Variants in GPSM1 observed in about 807,000 individuals in gnomAD.
The protein encoded by GPSM1 is G protein-signaling modulator 1.
Under a neutral mutation model 70.5 loss-of-function variants are expected in GPSM1, and 48 were observed. The ratio of observed to expected loss-of-function variants is 0.68; its 90% CI spans 0.54 to 0.87. GPSM1 has a LOEUF of 0.87. GPSM1 is among the 40% of genes least tolerant of loss of function. The pLI, the probability that GPSM1 is intolerant of heterozygous loss-of-function variation, is 0.00. For synonymous variants in GPSM1, 416 were observed against 430.1 expected (o/e 0.97, Z 0.41); for missense variants, 981 against 972.6 (o/e 1.01, Z -0.11).
chr9:136,334,008 T>C (rs1427264339), intron 1 of GPSM1, among the ~76,000 whole-genome samples: 2 of 151,892 alleles, frequency 1.3e-5, no homozygotes, highest in African/African-American at 4.8e-5. Context: ...CAGTTGTTCT[T>C]GGTGGGAATT....
intron 1 of GPSM1, among the ~76,000 whole-genome samples, chr9:136,332,405 G>A (rs1554768609): frequency 6.6e-6 from 1 of 152,244 alleles, no homozygotes; most frequent in Non-Finnish European, 1.5e-5. Flanking sequence ...TTGAGCCTCG[G>A]ATGCCACGTC....
chr9:136,327,627 GGGCGGGCAGGGGGCGGACGGCCAC>G lies in GPSM1; in HGVS notation c.-64_-41del. Reference sequence around the variant, plus strand: ...AGGGCGGACAGCAGGGAGGACAGCAGGGCGGGCAGGGGGCGGACGGCCACGGCGCGGGGGGCGCTCCCGGCTCCC... The same window carrying G: ...AGGGCGGACAGCAGGGAGGACAGCAGGGCGCGGGGGGCGCTCCCGGCTCCC... On this transcript the variant is annotated 5_prime_UTR_variant, in exon 1 of 14. Coordinates refer to ENST00000440944, the MANE Select transcript of GPSM1 (RefSeq NM_001145638.3). 2 of 340,192 alleles carry G rather than the reference GGGCGGGCAGGGGGCGGACGGCCAC, an allele frequency of 5.9e-6. No individual in the cohort carries two copies. Among genetic ancestry groups the G allele is most frequent in the Non-Finnish European group, 8.8e-6 (2 of 228,434 alleles). 21.1% of individuals were successfully genotyped at this position (340,192 alleles called of 1,614,324 possible).
intron 13 of GPSM1, 90 bp downstream of exon 13, chr9:136,356,640 C>A: frequency 3.2e-6 from 3 of 939,912 alleles, no homozygotes; most frequent in Non-Finnish European, 4.8e-6. Flanking sequence ...GTGAGGTGGG[C>A]GCTGGTTCTG....
In GPSM1 at chr9:136,339,660, G is replaced by A. The variant is rs1554769846; in HGVS notation, c.975-47G>A. ...ACCAGGGGAGGGGCTGGGGCTGGGG[G>A]CTGGCCTGGAGAGGGCGGGTATGAA... On this transcript the variant is annotated intron_variant, in intron 7 of 13. Transcript: ENST00000440944. 3 of 1,304,986 alleles carry A rather than the reference G, an allele frequency of 2.3e-6. No individual in the cohort carries two copies. The South Asian group carries it at 3.8e-5, about 17-fold the overall frequency. The allele number at this position is 1,304,986 out of a possible 1,614,324, so 80.8% of individuals were successfully genotyped here.
In GPSM1 at chr9:136,340,339, C is replaced by T. The variant is rs1554769978; in HGVS notation, c.1083+524C>T. 6.6e-6 allele frequency among the ~76,000 whole-genome samples: 1 copy of T among 152,110 alleles called. No individual in the cohort carries two copies. Among genetic ancestry groups the T allele is most frequent in the Non-Finnish European group, 1.5e-5 (1 of 68,006 alleles). ...ATGGGAAGGTCAGCAGAGCCCTCGT[C>T]TGAAGAGCTTCACTGGCAGCCAGCA... is the stretch of plus-strand genomic sequence containing the variant. On this transcript the variant is annotated intron_variant, in intron 8 of 13. Transcript: ENST00000440944. The surrounding 1 kb of genome is among the most constrained non-coding windows in gnomAD (Gnocchi z 7.3).
Position 136,358,140 on chromosome 9 carries a change from G to A in GPSM1, c.1948G>A (p.Val650Met), listed in dbSNP as rs781922545. 2.3e-5 allele frequency: 37 copies of A among 1,608,908 alleles called. No individual in the cohort carries two copies. In the South Asian group the frequency reaches 3.9e-4, roughly 17 times the overall value. ...GGCTAAGCGCATGGACGAGCAGCGG[G>A]TGGACCTCGCCGGGGGCCCGGAGCA... ...VQAKRMDEQR[V>M]DLAGGPEQGA... The change falls in exon 14 of 14, where the codon GTG (valine) becomes ATG (methionine). Residue 650 changes from valine to methionine, a missense_variant. By Grantham distance (21) the Val-to-Met change is conservative. Coordinates refer to ENST00000440944, the MANE Select transcript of GPSM1 (RefSeq NM_001145638.3).
At chr9:136,338,080 C>T in intron 6 of GPSM1, 119 bp downstream of exon 6, 1 of 688,034 alleles carries the variant, frequency 1.5e-6, no homozygotes. Context: ...CCCCAGAAGG[C>T]AAGGTGGGGT....
At position 136,338,718 on chromosome 9, in the gene GPSM1, G is replaced by GC. The variant is rs1215410209; in HGVS notation, c.974+8_974+9insC. 2 of 1,542,242 alleles carry GC rather than the reference G, an allele frequency of 1.3e-6. No homozygotes were observed. The highest frequency in any genetic ancestry group is 2.7e-5 in the African/African-American group (2 of 73,142). On this transcript the variant is annotated intron_variant, in intron 7 of 13. Transcript: ENST00000440944. ...CCAGGAGCTGGCCGACAGGTGCGTGGGCGCGGACGCGGCGGGCAGACCCGG... is the reference window on the plus strand; with the variant it reads ...CCAGGAGCTGGCCGACAGGTGCGTGGCGCGCGGACGCGGCGGGCAGACCCGG...
rs1291028403 is a variant in GPSM1 at position 136,352,180 on chromosome 9, TTGC to T, written c.1455+2420_1455+2422del. ...TGTTGGTGACACCAATGCTGCGCCG[TTGC>T]TGTTGGTGACACCGATGCTGCGCCG... On this transcript the variant is annotated intron_variant, in intron 11 of 13. Coordinates refer to ENST00000440944, the MANE Select transcript of GPSM1 (RefSeq NM_001145638.3). Among the ~76,000 whole-genome samples, 13 of 70,048 alleles carry T rather than the reference TTGC, an allele frequency of 1.9e-4. 1 individual carries two copies. The highest frequency in any genetic ancestry group is 6.7e-4 in the African/African-American group (12 of 17,784). 46.0% of individuals were successfully genotyped at this position (70,048 alleles called of 152,430 possible).
At chr9:136,344,162 G>A (rs375747524) in intron 9 of GPSM1, among the ~76,000 whole-genome samples, 16 of 147,082 alleles carry the variant, frequency 1.1e-4, no homozygotes, top group East Asian at 6.1e-4. Flanking sequence ...GTGCGGACAG[G>A]ATCGGGGGGA....
intron 9 of GPSM1, among the ~76,000 whole-genome samples, chr9:136,345,956 A>G (rs1832513432): frequency 6.6e-6 from 1 of 152,158 alleles, no homozygotes; most frequent in Non-Finnish European, 1.5e-5. Flanking sequence ...GCTCCACCTC[A>G]GTGCCTGGCC....
intron 9 of GPSM1, among the ~76,000 whole-genome samples, chr9:136,346,563 G>A (rs373532830): frequency 8.7e-4 from 132 of 152,326 alleles, no homozygotes; most frequent in Admixed American, 2.9e-3. Flanking sequence ...GGTGGCAGCA[G>A]GACCCCCTTC....
At chr9:136,330,762 C>T (rs748318125) in intron 1 of GPSM1, among the ~76,000 whole-genome samples, 16 of 152,254 alleles carry the variant, frequency 1.1e-4, no homozygotes, top group Non-Finnish European at 1.3e-4. Flanking sequence ...TTCGGGTGGC[C>T]GGAGGTAGTA....
rs549086721 is a variant in GPSM1, at chr9:136,339,914, C to T, written c.1083+99C>T. On this transcript the variant is annotated intron_variant, in intron 8 of 13. Transcript: ENST00000440944. ...CGAGCGAGCGTGTGCGTGCCTGGGC[C>T]CCCCTCATCCTTTCAGGGCCATTGC... The T allele has an allele frequency of 9.5e-6, 7 of 736,334 alleles. No homozygotes were observed. The East Asian group carries it at 1.4e-4, about 14-fold the overall frequency. The allele number at this position is 736,334 out of a possible 1,614,324, so 45.6% of individuals were successfully genotyped here. A position where few individuals can be genotyped will look rare whatever the true frequency, so the allele number is the denominator to read the frequency against.
rs1554772896 is a variant in GPSM1 at position 136,355,780 on chromosome 9, C to T, written c.1546C>T (p.Pro516Ser). Reference sequence around the variant, plus strand: ...CAGCCGCATGGACGACCAGCGTTGTCCCCTGGACGATGGCCAGGCCGGGGC... The same window carrying T: ...CAGCCGCATGGACGACCAGCGTTGTTCCCTGGACGATGGCCAGGCCGGGGC... The part of the protein sequence containing the change: ...QSSRMDDQRC[P>S]LDDGQAGAAE... Residue 516 changes from proline (P) to serine (S), a missense_variant, in exon 12 of 14, where the codon CCC becomes TCC. Pro to Ser is a moderately conservative substitution (Grantham distance 74). Coordinates refer to ENST00000440944, the MANE Select transcript of GPSM1 (RefSeq NM_001145638.3). The T allele has an allele frequency of 1.2e-6, 2 of 1,612,088 alleles. No individual in the cohort carries two copies. Among genetic ancestry groups the T allele is most frequent in the Non-Finnish European group, 8.5e-7 (1 of 1,179,330 alleles).
In GPSM1 at chr9:136,355,775, G is replaced by A. The variant is rs782271206; in HGVS notation, c.1541G>A (p.Arg514His). 94 of 1,612,244 alleles carry A rather than the reference G, an allele frequency of 5.8e-5. No homozygotes were observed. The highest frequency in any genetic ancestry group is 7.5e-5 in the Non-Finnish European group (88 of 1,179,532). Residue 514 changes from arginine (R) to histidine (H), a missense_variant, in exon 12 of 14, where the codon CGT becomes CAT. Arg to His is a conservative substitution (Grantham distance 29). Transcript: ENST00000440944. ...KFQSSRMDDQRCPLDDGQAGA... is the reference protein window; with the variant it reads ...KFQSSRMDDQHCPLDDGQAGA... ...CAGAGCAGCCGCATGGACGACCAGCGTTGTCCCCTGGACGATGGCCAGGCC... is the reference window on the plus strand; with the variant it reads ...CAGAGCAGCCGCATGGACGACCAGCATTGTCCCCTGGACGATGGCCAGGCC...
chr9:136,358,093 T>TCAGCCTCATTCAGAGGGTG lies in GPSM1; in HGVS notation c.1905_1923dup (p.Ala642ProfsTer8). ...CCTACCATGCCGGACGAGGACTTCT[T>TCAGCCTCATTCAGAGGGTG]CAGCCTCATTCAGAGGGTGCAGGCT... On this transcript the variant is annotated frameshift_variant, in exon 14 of 14. Transcript: ENST00000440944. LOFTEE classifies it high-confidence loss of function. 1 of 1,612,674 alleles carries TCAGCCTCATTCAGAGGGTG rather than the reference T, an allele frequency of 6.2e-7. No individual in the cohort carries two copies. The highest frequency in any genetic ancestry group is 8.5e-7 in the Non-Finnish European group (1 of 1,179,778).
chr9:136,352,564 T>G, intron 11 of GPSM1, among the ~76,000 whole-genome samples: 1 of 152,162 alleles, frequency 6.6e-6, no homozygotes, highest in East Asian at 1.9e-4. Flanking sequence ...ACCAGAGGCT[T>G]GAGTTGAGCT....
intron 5 of GPSM1, 104 bp downstream of exon 5, chr9:136,337,668 C>T: frequency 1.7e-6 from 2 of 1,178,868 alleles, no homozygotes; most frequent in Non-Finnish European, 2.4e-6. Flanking sequence ...TATGGCCAGG[C>T]AGCAGGCCCG....
Sources: allele counts gnomAD v4.1 joint callset (sites outside exome capture counted in the v4.1 genomes callset), GRCh38; gene constraint gnomAD v4.1.1; non-coding constraint Gnocchi (gnomAD v3.1); transcripts MANE v1.5; gene names NCBI Gene and HGNC (gene_info 2026-07-23, HGNC 2026-07-21).